The following AKAP13 variants were observed in gnomAD, a reference collection of about 807,000 sequenced individuals.
AKAP13 encodes the protein A-kinase anchoring protein 13.
AKAP13 carries 80 observed loss-of-function variants against 264.5 expected under a neutral mutation model. The observed-to-expected ratio is 0.30, with a 90% confidence interval of 0.25 to 0.36. The LOEUF (loss-of-function observed/expected upper bound fraction) is 0.36. AKAP13 is among the 10% of genes least tolerant of loss of function. AKAP13 has a pLI of 1.00. For synonymous variants in AKAP13, 1,380 were observed against 1,250.2 expected, an observed-to-expected ratio of 1.10 and a Z score of -2.19; for missense variants, 3,712 against 3,435.2, an observed-to-expected ratio of 1.08 and a Z score of -2.01.
chr15:85,658,259 A>G (rs2083189560), intron 11 of AKAP13, among the ~76,000 whole-genome samples: 1 of 152,152 alleles, frequency 6.6e-6, no homozygotes. Context: ...TTTGAGTAGT[A>G]ATTTTTTTCT....
intron 11 of AKAP13, 141 bp downstream of exon 11, chr15:85,655,928 C>CT (rs2083071776): frequency 1.5e-6 from 2 of 1,345,538 alleles, no homozygotes; most frequent in Non-Finnish European, 1.9e-6. Context: ...TCAGGAAAAT[C>CT]TGTGTTCAGA....
rs748536344 is a variant in AKAP13 at position 85,533,770 on chromosome 15, G to A, written c.368G>A (p.Gly123Glu). The stretch of plus-strand genomic sequence containing the variant: ...TTTACCCGTTTTCTTGACCAGTCAG[G>A]ACCCCCATCTGGGGATGTGAATTCC... ...LNFTRFLDQS[G>E]PPSGDVNSLD... The change falls in exon 4 of 37, where the codon GGA (glycine) becomes GAA (glutamate). Residue 123 changes from glycine (G) to glutamate (E), a missense_variant. Coordinates refer to ENST00000394518, the MANE Select transcript of AKAP13 (RefSeq NM_007200.5). The A allele has an allele frequency of 5.6e-6, 9 of 1,613,918 alleles. No individual in the cohort carries two copies. The African/African-American group carries it at 1.2e-4, about 22-fold the overall frequency.
chr15:85,619,916 C>CT, intron 8 of AKAP13: 1 of 1,434,228 alleles, frequency 7.0e-7, no homozygotes. Context: ...TGCTTGATTT[C>CT]TTTTTAATTC....
intron 19 of AKAP13, among the ~76,000 whole-genome samples, chr15:85,714,455 C>T (rs2086804109): frequency 6.6e-6 from 1 of 152,168 alleles, no homozygotes; most frequent in Admixed American, 6.5e-5. Context: ...TTTTCCTCAT[C>T]TGTAAATTAA....
chr15:85,514,081 G>A (rs1253672378), intron 2 of AKAP13, among the ~76,000 whole-genome samples: 1 of 137,430 alleles, frequency 7.3e-6, no homozygotes, highest in Non-Finnish European at 1.6e-5. Context: ...TGTGTAATAT[G>A]TATGCTGTTC....
chr15:85,410,889 G>A (rs2071927980), intron 1 of AKAP13, among the ~76,000 whole-genome samples: 1 of 151,608 alleles, frequency 6.6e-6, no homozygotes, highest in South Asian at 2.1e-4. Context: ...AGCTTTTTGT[G>A]TGTTTTTAAG....
rs2089376936 is a variant in AKAP13 at position 85,746,656 on chromosome 15, AC to A, written c.*1980del. 6.6e-6 allele frequency: 1 copy of A among 151,926 alleles called. No homozygotes were observed. The highest frequency in any genetic ancestry group is 1.5e-5 in the Non-Finnish European group (1 of 68,024). The allele number at this position is 151,926 out of a possible 1,614,324, so 9.4% of individuals were successfully genotyped here. On this transcript the variant is annotated 3_prime_UTR_variant, in exon 37 of 37. Transcript: ENST00000394518. ...ATATGTCCCCTTGCAAAGACCCTAA[AC>A]AAAAAGTTAAGTTTCTTTCTTTCAC...
chr15:85,442,494 T>A (rs1567059602), intron 1 of AKAP13, among the ~76,000 whole-genome samples: 1 of 107,220 alleles, frequency 9.3e-6, no homozygotes, highest in East Asian at 2.5e-4. Context: ...ATATATAATA[T>A]ATATTATATT....
chr15:85,674,480 A>T (rs140409180), intron 14 of AKAP13, among the ~76,000 whole-genome samples: 1 of 152,356 alleles, frequency 6.6e-6, no homozygotes, highest in East Asian at 1.9e-4. Flanking sequence ...AGCATTTCAG[A>T]AGGAATACTC....
Position 85,664,688 on chromosome 15 carries a change from C to T in AKAP13, c.4925C>T (p.Ser1642Phe). Reference protein sequence around the residue: ...HPFSGEERVDSLVSLSEEDLE... With the variant: ...HPFSGEERVDFLVSLSEEDLE... ...TTCAGTGGTGAGGAACGGGTTGACTCTTTGGTGTCACTTTCAGAAGAGGAT... is the reference window on the plus strand; with the variant it reads ...TTCAGTGGTGAGGAACGGGTTGACTTTTTGGTGTCACTTTCAGAAGAGGAT... The change falls in exon 13 of 37, where the codon TCT becomes TTT. Residue 1642 changes from serine (S) to phenylalanine (F), a missense_variant. Physicochemically the swap from Ser to Phe is radical, Grantham distance 155 (BLOSUM62 -2). Transcript: ENST00000394518. The T allele has an allele frequency of 6.2e-7, 1 of 1,614,076 alleles. No homozygotes were observed. The highest frequency in any genetic ancestry group is 8.5e-7 in the Non-Finnish European group (1 of 1,179,982).
chr15:85,574,684 T>C (rs1232240174), intron 5 of AKAP13, among the ~76,000 whole-genome samples: 1 of 152,204 alleles, frequency 6.6e-6, no homozygotes, highest in Non-Finnish European at 1.5e-5. Context: ...TGGAGTGCCC[T>C]TGTAAGGGTT....
intron 5 of AKAP13, among the ~76,000 whole-genome samples, chr15:85,560,111 T>G (rs1596528019): frequency 8.1e-6 from 1 of 123,502 alleles, no homozygotes. Flanking sequence ...GCTCCTGTGA[T>G]ACCTGCTGTC....
chr15:85,699,101 A>G (rs1485148744), intron 17 of AKAP13, among the ~76,000 whole-genome samples: 1 of 152,072 alleles, frequency 6.6e-6, no homozygotes, highest in Non-Finnish European at 1.5e-5. Context: ...AAATAGAACA[A>G]TATATACAGC....
At position 85,693,278 on chromosome 15, in the gene AKAP13, A is replaced by T; in HGVS notation, c.5291A>T (p.Glu1764Val). 1 of 1,591,168 alleles carries T rather than the reference A, an allele frequency of 6.3e-7. No individual in the cohort carries two copies. The highest frequency in any genetic ancestry group is 2.2e-5 in the East Asian group (1 of 44,482). The change falls in exon 17 of 37, where the codon GAA becomes GTA. Residue 1764 changes from glutamate (E) to valine (V), a missense_variant and splice_region_variant. By Grantham distance (121) the Glu-to-Val change is moderately radical (BLOSUM62 -2). This residue lies in a region of AKAP13 where 2,759 missense variants were observed against 2,411.7 expected (regional missense o/e 1.14). Coordinates refer to ENST00000394518, the MANE Select transcript of AKAP13 (RefSeq NM_007200.5). Reference protein sequence around the residue: ...NKMSSSKKSKEKEKEKDKIKE... With the variant: ...NKMSSSKKSKVKEKEKDKIKE... The stretch of plus-strand genomic sequence containing the variant: ...GGATTATTTTCTTTTCTTCGGCAGG[A>T]AAAGGAAAAAGAAAAAGATAAGATT...
intron 23 of AKAP13, among the ~76,000 whole-genome samples, chr15:85,719,834 G>A (rs1263190770): frequency 6.6e-6 from 1 of 151,932 alleles, no homozygotes; most frequent in East Asian, 1.9e-4. Context: ...AGAATCGCTT[G>A]AACCTGGGAG....
chr15:85,443,920 T>G lies in AKAP13; in HGVS notation c.-11-41790T>G, dbSNP rs535259019. On this transcript the variant is annotated intron_variant, in intron 1 of 36. Transcript: ENST00000394518. ...GCTCACTTCATCAAATGGCATAGCT[T>G]ATTCTAATCTGTTGTTTATTTTGTT... Among the ~76,000 whole-genome samples, 15 of 152,314 alleles carry G rather than the reference T, an allele frequency of 9.8e-5. No homozygotes were observed. In the South Asian group the frequency reaches 2.5e-3, roughly 25 times the overall value.
At chr15:85,543,698 A>G in intron 4 of AKAP13, 74 bp from the exon 5 acceptor site, 1 of 1,473,772 alleles carries the variant, frequency 6.8e-7, no homozygotes, top group Non-Finnish European at 9.1e-7. Flanking sequence ...TGTTTACATA[A>G]CTTGTCTTTA....
chr15:85,541,229 T>C (rs1273691345), intron 4 of AKAP13, among the ~76,000 whole-genome samples: 2 of 152,220 alleles, frequency 1.3e-5, no homozygotes, highest in Non-Finnish European at 2.9e-5. Context: ...GTTAATTATA[T>C]GCATGCTGAA....
chr15:85,407,658 G>C lies in AKAP13; in HGVS notation c.-12+26860G>C, dbSNP rs550470639. Among the ~76,000 whole-genome samples, 4 of 151,852 alleles carry C rather than the reference G, an allele frequency of 2.6e-5. No homozygotes were observed. The South Asian group carries it at 8.3e-4, about 31-fold the overall frequency. On this transcript the variant is annotated intron_variant, in intron 1 of 36. Transcript: ENST00000394518. Reference sequence around the variant, plus strand: ...CAAAGAAACAGACGTCAAAGAGCTTGGTGTGTTTGAACTCAGTGAGCAGTG... The same window carrying C: ...CAAAGAAACAGACGTCAAAGAGCTTCGTGTGTTTGAACTCAGTGAGCAGTG...
Sources: allele counts gnomAD v4.1 joint callset (sites outside exome capture counted in the v4.1 genomes callset), GRCh38; gene constraint gnomAD v4.1.1; regional missense constraint gnomAD v4.1.1; transcripts MANE v1.5; gene names NCBI Gene and HGNC (gene_info 2026-07-23, HGNC 2026-07-21).